GLIS3: variants seen among roughly 807,000 people sequenced by gnomAD.
GLIS3 encodes zinc finger protein GLIS3.
A neutral mutation model predicts 78.6 loss-of-function variants in GLIS3; 53 were observed. The observed-to-expected ratio is 0.67, with a 90% CI of 0.54 to 0.85. The LOEUF (loss-of-function observed/expected upper bound fraction) is 0.85, where lower values mean the gene tolerates loss of function less well. Ranked by LOEUF, GLIS3 falls within the 40% of genes least tolerant of loss-of-function variation. The probability of loss-of-function intolerance (pLI) is 0.00; values close to 1 mark genes in which losing one functional copy is unlikely to be tolerated. For missense variants in GLIS3, 1,703 were observed against 1,231.1 expected, an observed-to-expected ratio of 1.38 and a Z score of -5.74; for synonymous variants, 684 against 509.9, an observed-to-expected ratio of 1.34 and a Z score of -4.60.
At chr9:4,420,623 G>C in the GLIS3 span, among the ~76,000 whole-genome samples, 1 of 152,152 alleles carries the variant, frequency 6.6e-6, no homozygotes, top group Admixed American at 6.5e-5. Context: ...CAGGGAGAAA[G>C]ACTCCACTAG....
intron 4 of GLIS3, among the ~76,000 whole-genome samples, chr9:4,308,245 G>A (rs1218756259): frequency 3.9e-5 from 6 of 152,078 alleles, no homozygotes. Flanking sequence ...CACAGCCCAT[G>A]AACTGGAAGG....
chr9:4,144,316 G>C (rs1351240379), intron 2 of GLIS3, among the ~76,000 whole-genome samples: 2 of 152,144 alleles, frequency 1.3e-5, no homozygotes, highest in African/African-American at 4.8e-5. Flanking sequence ...TTTTACCTCA[G>C]AAACTTGGCA....
intron 4 of GLIS3, among the ~76,000 whole-genome samples, chr9:4,116,973 G>A (rs987387179): frequency 9.9e-5 from 15 of 152,136 alleles, no homozygotes; most frequent in Admixed American, 3.9e-4. Flanking sequence ...AAATTGTTGT[G>A]AAACCATTTA....
intron 2 of GLIS3, among the ~76,000 whole-genome samples, chr9:4,320,523 G>A (rs993688061): frequency 6.6e-6 from 1 of 152,004 alleles, no homozygotes; most frequent in Non-Finnish European, 1.5e-5. Context: ...TCTAAATTCT[G>A]TAGATTTTAC....
At chr9:4,165,482 G>T (rs1444258532) in intron 2 of GLIS3, among the ~76,000 whole-genome samples, 1 of 152,076 alleles carries the variant, frequency 6.6e-6, no homozygotes, top group African/African-American at 2.4e-5. Flanking sequence ...CTTTTCCATG[G>T]GGGGAAAAAG....
At chr9:4,029,762 TATGTTGA>T in intron 4 of GLIS3, among the ~76,000 whole-genome samples, 1 of 152,324 alleles carries the variant, frequency 6.6e-6, no homozygotes, top group East Asian at 1.9e-4. Flanking sequence ...CAGTTCCATC[TATGTTGA>T]TGCAAATGAC....
At chr9:4,196,383 T>C (rs940527765) in intron 2 of GLIS3, among the ~76,000 whole-genome samples, 3 of 152,210 alleles carry the variant, frequency 2.0e-5, no homozygotes, top group Non-Finnish European at 4.4e-5. Flanking sequence ...CAGCCAGCAG[T>C]GGCAACCGGC....
chr9:4,415,934 A>G, the GLIS3 span, among the ~76,000 whole-genome samples: 3 of 151,804 alleles, frequency 2.0e-5, no homozygotes, highest in African/African-American at 7.2e-5. Flanking sequence ...AGAAGTAACC[A>G]CTATTAACAA....
At chr9:4,193,007 A>G (rs2038543) in intron 2 of GLIS3, among the ~76,000 whole-genome samples, 137,863 of 152,320 alleles carry the variant, frequency 0.91, 62,527 homozygotes, top group Non-Finnish European at 0.94. Flanking sequence ...TGGACCTGTG[A>G]TCATGAGGGA....
At chr9:4,328,037 A>C (rs1817628581) in intron 2 of GLIS3, among the ~76,000 whole-genome samples, 1 of 151,722 alleles carries the variant, frequency 6.6e-6, no homozygotes, top group Admixed American at 6.6e-5. Flanking sequence ...TGTGTTGTTC[A>C]CTCTCCCACT....
chr9:4,216,316 CA>C (rs531387583), intron 2 of GLIS3, among the ~76,000 whole-genome samples: 5 of 151,598 alleles, frequency 3.3e-5, no homozygotes, highest in East Asian at 1.9e-4. Context: ...ACTAAAAATA[CA>C]AAAAAATTAG....
intron 1 of GLIS3, chr9:4,348,185 C>T (rs1817918556): frequency 6.6e-6 from 1 of 152,168 alleles, no homozygotes; most frequent in South Asian, 2.1e-4. Context: ...GGTTTGTCTG[C>T]ATGTAAGAGA....
intron 1 of GLIS3, among the ~76,000 whole-genome samples, chr9:4,294,821 A>G (rs965521482): frequency 1.3e-5 from 2 of 152,208 alleles, no homozygotes; most frequent in Non-Finnish European, 2.9e-5. Context: ...TGCTACATCT[A>G]TATATTCACA....
intron 2 of GLIS3, among the ~76,000 whole-genome samples, chr9:4,276,348 G>C (rs946572468): frequency 5.9e-5 from 3 of 51,246 alleles, no homozygotes; most frequent in Non-Finnish European, 1.3e-4. Flanking sequence ...GAAGGAGAGG[G>C]CACGGGAGGG....
the GLIS3 span, among the ~76,000 whole-genome samples, chr9:4,392,010 T>C: frequency 6.6e-6 from 1 of 152,170 alleles, no homozygotes; most frequent in Non-Finnish European, 1.5e-5. Flanking sequence ...CAAATGCCCA[T>C]CAGTGACAGA....
intron 4 of GLIS3, among the ~76,000 whole-genome samples, chr9:3,950,208 T>C (rs1015615993): frequency 4.6e-5 from 7 of 152,216 alleles, no homozygotes; most frequent in Admixed American, 1.3e-4. Context: ...TAAGCCACTA[T>C]GGCCTCCCAC....
chr9:4,082,766 T>G (rs918173314), intron 4 of GLIS3, among the ~76,000 whole-genome samples: 6 of 152,228 alleles, frequency 3.9e-5, no homozygotes, highest in Admixed American at 1.3e-4. Context: ...ACTCTTTACT[T>G]GCATATTCTG....
chr9:4,297,995 C>T (rs896979010), intron 1 of GLIS3, among the ~76,000 whole-genome samples: 4 of 152,174 alleles, frequency 2.6e-5, no homozygotes, highest in African/African-American at 9.6e-5. Flanking sequence ...GCGGCTGCGA[C>T]CCCGTCACTC....
intron 4 of GLIS3, among the ~76,000 whole-genome samples, chr9:4,054,678 C>CA (rs112297718): frequency 0.028 from 4,205 of 150,132 alleles, 194 homozygotes; most frequent in African/African-American, 0.098. Context: ...TGTTTCTCAA[C>CA]AAAAAAAAAG....
Sources: gnomAD v4.1 joint callset for allele counts (sites outside exome capture counted in the v4.1 genomes callset) on GRCh38, gnomAD v4.1.1 for gene constraint, MANE v1.5 for transcripts, NCBI Gene and HGNC (gene_info 2026-07-23, HGNC 2026-07-21) for gene names.